Variants in EML5 observed in about 807,000 individuals in gnomAD.
EML5 encodes EMAP like 5.
Under a neutral mutation model 250.0 loss-of-function variants are expected in EML5, and 120 were observed. The observed-to-expected ratio is 0.48, with a 90% CI of 0.41 to 0.56. The LOEUF (loss-of-function observed/expected upper bound fraction) is 0.56, where lower values mean the gene tolerates loss of function less well. Ranked by LOEUF, EML5 falls within the 20% of genes least tolerant of loss-of-function variation. The probability of loss-of-function intolerance (pLI) is 0.00; values close to 1 mark genes in which losing one functional copy is unlikely to be tolerated. For synonymous variants in EML5, 771 were observed against 806.5 expected, an observed-to-expected ratio of 0.96 and a Z score of 0.75; for missense variants, 2,006 against 2,437.6, an observed-to-expected ratio of 0.82 and a Z score of 3.73.
intron 6 of EML5, among the ~76,000 whole-genome samples, chr14:88,738,435 C>T (rs1174156794): frequency 6.6e-6 from 1 of 151,448 alleles, no homozygotes; most frequent in South Asian, 2.1e-4. Context: ...AAAAATCCCC[C>T]AATTGCTGAC....
In EML5 at chr14:88,695,375, T is replaced by C. The variant is rs542968876; in HGVS notation, c.2424A>G (p.Lys808=). Reference sequence around the variant, plus strand: ...TTTTTTCCTACCTTGCTATTGAAAGTTTCTCTCCTTTCTTCCAGTCCCAGA... The same window carrying C: ...TTTTTTCCTACCTTGCTATTGAAAGCTTCTCTCCTTTCTTCCAGTCCCAGA... ...VVLWDWKKGE[K]LSIARGSKDK... Residue 808 remains lysine (K), a synonymous_variant, in exon 16 of 44, where the codon AAA becomes AAG. Transcript: ENST00000554922. 6 of 1,610,390 alleles carry C rather than the reference T, an allele frequency of 3.7e-6. No homozygotes were observed. In the Admixed American group the frequency reaches 6.7e-5, roughly 18 times the overall value.
Position 88,613,470 on chromosome 14 carries a change from C to T in EML5, c.*2348G>A, listed in dbSNP as rs1271169247. The T allele has an allele frequency of 6.6e-6, 1 of 152,114 alleles. No individual in the cohort carries two copies. Among genetic ancestry groups the T allele is most frequent in the East Asian group, 1.9e-4 (1 of 5,198 alleles). The allele number at this position is 152,114 out of a possible 1,614,324, so 9.4% of individuals were successfully genotyped here. ...TGGGAAACAAGGGTTTAATTTAGTT[C>T]AGCCATTTTACAAGGAAATAATAAA... On this transcript the variant is annotated 3_prime_UTR_variant, in exon 44 of 44. Coordinates refer to ENST00000554922, the MANE Select transcript of EML5 (RefSeq NM_183387.3).
intron 34 of EML5, 91 bp from the exon 35 acceptor site, chr14:88,627,137 A>G (rs569874477): frequency 1.5e-6 from 2 of 1,367,998 alleles, no homozygotes; most frequent in East Asian, 4.6e-5. Flanking sequence ...TAGTTCAAAA[A>G]ACAAAGGCTT....
intron 4 of EML5, among the ~76,000 whole-genome samples, chr14:88,740,938 A>C (rs1220201342): frequency 6.6e-6 from 1 of 152,150 alleles, no homozygotes; most frequent in African/African-American, 2.4e-5. Context: ...CAAGGTAGGC[A>C]GATCACCTGA....
intron 23 of EML5, 32 bp from the exon 24 acceptor site, chr14:88,663,151 T>G: frequency 6.0e-5 from 79 of 1,310,194 alleles, no homozygotes; most frequent in Non-Finnish European, 7.6e-5. Context: ...TATTTACACA[T>G]ATAAAATACA....
At chr14:88,728,936 T>C (rs1350996315) in intron 7 of EML5, among the ~76,000 whole-genome samples, 1 of 152,120 alleles carries the variant, frequency 6.6e-6, no homozygotes, top group Non-Finnish European at 1.5e-5. Context: ...AAAACTAAGA[T>C]TTTCTAAATG....
chr14:88,664,599 T>C lies in EML5; in HGVS notation c.3303A>G (p.Ala1101=). 6.2e-7 allele frequency: 1 copy of C among 1,606,486 alleles called. No individual in the cohort carries two copies. Among genetic ancestry groups the C allele is most frequent in the Non-Finnish European group, 8.5e-7 (1 of 1,177,736 alleles). The change falls in exon 23 of 44, where the codon GCA becomes GCG. Residue 1101 remains alanine, a synonymous_variant. Coordinates refer to ENST00000554922, the MANE Select transcript of EML5 (RefSeq NM_183387.3). ...SPGSGKYLAV[A]SHDSFIDIYN... Reference sequence around the variant, plus strand: ...ATATATCTATAAAGCTGTCATGGGATGCTACAGCAAGATATTTCCCAGAAC... The same window carrying C: ...ATATATCTATAAAGCTGTCATGGGACGCTACAGCAAGATATTTCCCAGAAC...
intron 18 of EML5, among the ~76,000 whole-genome samples, chr14:88,687,764 A>C (rs2092867004): frequency 6.9e-6 from 1 of 144,428 alleles, no homozygotes; most frequent in Non-Finnish European, 1.5e-5. Flanking sequence ...TTAAAAAAAA[A>C]CAAAAAAAAC....
intron 8 of EML5, among the ~76,000 whole-genome samples, chr14:88,725,663 A>G (rs1228332556): frequency 3.3e-5 from 5 of 152,208 alleles, no homozygotes; most frequent in Non-Finnish European, 5.9e-5. Context: ...AAAGCACACA[A>G]TGTGTTTTAA....
chr14:88,720,820 G>C (rs1338299937), intron 8 of EML5, among the ~76,000 whole-genome samples: 1 of 152,158 alleles, frequency 6.6e-6, no homozygotes, highest in African/African-American at 2.4e-5. Flanking sequence ...CAAATAGGAA[G>C]AGAGGAATTC....
chr14:88,659,071 TAAGTTA>T (rs750244885), intron 25 of EML5, among the ~76,000 whole-genome samples: 18 of 152,306 alleles, frequency 1.2e-4, no homozygotes, highest in Admixed American at 3.9e-4. Context: ...CAATAAAGTT[TAAGTTA>T]TTGTTATTAT....
chr14:88,675,583 G>A (rs139470180), intron 21 of EML5, among the ~76,000 whole-genome samples: 101 of 152,298 alleles, frequency 6.6e-4, no homozygotes, highest in African/African-American at 2.3e-3. Flanking sequence ...AGGGGCTGCC[G>A]TGAAGACTTC....
Position 88,754,688 on chromosome 14 carries a change from T to A in EML5, c.198-17A>T. 6.3e-7 allele frequency: 1 copy of A among 1,575,430 alleles called. No individual in the cohort carries two copies. Among genetic ancestry groups the A allele is most frequent in the Non-Finnish European group, 8.6e-7 (1 of 1,160,834 alleles). On this transcript the variant is annotated splice_polypyrimidine_tract_variant and intron_variant, in intron 1 of 43. Coordinates refer to ENST00000554922, the MANE Select transcript of EML5 (RefSeq NM_183387.3). ...AATGCAAGGCTGTAAAATAAGGAAA[T>A]AAATAAGTAGTATTATTAAAAATTG... is the stretch of plus-strand genomic sequence containing the variant.
intron 26 of EML5, 97 bp downstream of exon 26, chr14:88,658,090 T>A (rs1055028427): frequency 6.4e-6 from 8 of 1,259,762 alleles, no homozygotes; most frequent in Non-Finnish European, 7.9e-6. Flanking sequence ...ACTACAATTA[T>A]TCAAACATTA....
At chr14:88,781,049 T>C (rs1341708484) in intron 1 of EML5, among the ~76,000 whole-genome samples, 1 of 152,192 alleles carries the variant, frequency 6.6e-6, no homozygotes, top group Non-Finnish European at 1.5e-5. Context: ...TTGTTTGCAG[T>C]CTATTATAAA....
intron 2 of EML5, among the ~76,000 whole-genome samples, chr14:88,747,752 A>G (rs941128847): frequency 2.1e-4 from 32 of 152,194 alleles, no homozygotes; most frequent in Non-Finnish European, 7.3e-5. Flanking sequence ...GTTAAATACA[A>G]GATTAGCAGG....
chr14:88,682,257 TAGC>T, intron 20 of EML5, among the ~76,000 whole-genome samples: 1 of 152,168 alleles, frequency 6.6e-6, no homozygotes, highest in East Asian at 1.9e-4. Context: ...CAATTAAAGT[TAGC>T]TTATAATCCT....
chr14:88,697,727 T>G (rs997872709), intron 14 of EML5, among the ~76,000 whole-genome samples: 3 of 152,154 alleles, frequency 2.0e-5, no homozygotes, highest in Non-Finnish European at 4.4e-5. Flanking sequence ...ATTTTGAGAC[T>G]GATTTATTTA....
In EML5 at chr14:88,792,619, T is replaced by C; in HGVS notation, c.-116A>G. ...CCGGGACTTCCCGCCAGCCGCGTCCTCTAAGCCGCGCCCGTCAGGTGCATC... is the reference window on the plus strand; with the variant it reads ...CCGGGACTTCCCGCCAGCCGCGTCCCCTAAGCCGCGCCCGTCAGGTGCATC... On this transcript the variant is annotated 5_prime_UTR_variant, in exon 1 of 44. Coordinates refer to ENST00000554922, the MANE Select transcript of EML5 (RefSeq NM_183387.3). The surrounding 1 kb of genome is among the most constrained non-coding windows in gnomAD (Gnocchi z 6.9). The C allele has an allele frequency of 9.4e-6, 11 of 1,168,148 alleles. No individual in the cohort carries two copies. The highest frequency in any genetic ancestry group is 1.1e-5 in the Non-Finnish European group (10 of 948,276). The allele number at this position is 1,168,148 out of a possible 1,614,324, so 72.4% of individuals were successfully genotyped here.
Sources: allele counts gnomAD v4.1 joint callset (sites outside exome capture counted in the v4.1 genomes callset), GRCh38; gene constraint gnomAD v4.1.1; non-coding constraint Gnocchi (gnomAD v3.1); transcripts MANE v1.5; gene names NCBI Gene and HGNC (gene_info 2026-07-23, HGNC 2026-07-21).